Variants in FSTL4 observed in about 807,000 individuals in gnomAD.
FSTL4 encodes follistatin like 4, also known as follistatin-related protein 4.
A neutral mutation model predicts 78.2 loss-of-function variants in FSTL4; 28 were observed. The ratio of observed to expected loss-of-function variants is 0.36; its 90% confidence interval spans 0.27 to 0.49. The LOEUF (loss-of-function observed/expected upper bound fraction) is 0.49, where lower values mean the gene tolerates loss of function less well. FSTL4 is among the 20% of genes least tolerant of loss of function. The probability of loss-of-function intolerance (pLI) is 0.98; values close to 1 mark genes in which losing one functional copy is unlikely to be tolerated. For synonymous variants in FSTL4, 422 were observed against 440.5 expected, an observed-to-expected ratio of 0.96 and a Z score of 0.53; for missense variants, 922 against 1,084.9, an observed-to-expected ratio of 0.85 and a Z score of 2.11.
At chr5:133,381,985 AT>A (rs1258179312) in intron 4 of FSTL4, among the ~76,000 whole-genome samples, 1 of 152,196 alleles carries the variant, frequency 6.6e-6, no homozygotes, top group Non-Finnish European at 1.5e-5. Flanking sequence ...GTTTAAGTGA[AT>A]GTGTGTCAAT....
chr5:133,667,455 C>A, the FSTL4 span, among the ~76,000 whole-genome samples: 1 of 152,276 alleles, frequency 6.6e-6, no homozygotes, highest in Admixed American at 6.5e-5. Context: ...CCTTTGTGGC[C>A]TCCCATCCCA....
intron 3 of FSTL4, among the ~76,000 whole-genome samples, chr5:133,407,374 G>T (rs1380634485): frequency 6.6e-6 from 1 of 152,224 alleles, no homozygotes; most frequent in African/African-American, 2.4e-5. Context: ...TGTATTCTCA[G>T]TGACCACAGG....
the FSTL4 span, among the ~76,000 whole-genome samples, chr5:133,825,654 C>T: frequency 5.1e-4 from 78 of 152,346 alleles, no homozygotes; most frequent in African/African-American, 1.9e-3. Flanking sequence ...AGGGGCATGG[C>T]CCTCACCAGT....
the FSTL4 span, among the ~76,000 whole-genome samples, chr5:133,735,557 A>C: frequency 2.7e-3 from 404 of 152,264 alleles, 6 homozygotes; most frequent in African/African-American, 9.1e-3. Context: ...GCCTGTCCCC[A>C]AACAACCTTT....
chr5:133,609,434 TC>T (rs1431237024), intron 1 of FSTL4, among the ~76,000 whole-genome samples: 1 of 152,110 alleles, frequency 6.6e-6, no homozygotes, highest in Non-Finnish European at 1.5e-5. Flanking sequence ...AAAAGCCACA[TC>T]AACCCCAGCG....
chr5:133,645,331 T>C, the FSTL4 span, among the ~76,000 whole-genome samples: 1 of 152,134 alleles, frequency 6.6e-6, no homozygotes, highest in African/African-American at 2.4e-5. Context: ...TGCATGGTTC[T>C]AGGATGGTGA....
the FSTL4 span, among the ~76,000 whole-genome samples, chr5:133,737,819 G>A: frequency 6.6e-6 from 1 of 151,952 alleles, no homozygotes; most frequent in African/African-American, 2.4e-5. Context: ...TGGCCAGGCT[G>A]GTCTCGAACT....
At chr5:133,204,136 C>T (rs1236145574) in intron 14 of FSTL4, among the ~76,000 whole-genome samples, 3 of 152,018 alleles carry the variant, frequency 2.0e-5, no homozygotes, top group Admixed American at 6.5e-5. Flanking sequence ...TGGGAAGTGG[C>T]ATGTGGAGGG....
At chr5:133,599,935 G>A (rs1760826453) in intron 2 of FSTL4, among the ~76,000 whole-genome samples, 1 of 152,216 alleles carries the variant, frequency 6.6e-6, no homozygotes. Context: ...GCTCTCTGGA[G>A]GCTGCTACCA....
rs1750186310 is a variant in FSTL4 at position 133,197,754 on chromosome 5, A to T, written c.*1341T>A. On this transcript the variant is annotated 3_prime_UTR_variant, in exon 16 of 16. Coordinates refer to ENST00000265342, the MANE Select transcript of FSTL4 (RefSeq NM_015082.2). ...TCAAACCAGGACACATGTAAGTTCC[A>T]CTCATATGTGGGAGAGGGAAGGCGA... The T allele has an allele frequency of 6.6e-6, 1 of 152,166 alleles. No individual in the cohort carries two copies. The highest frequency in any genetic ancestry group is 2.1e-4 in the South Asian group (1 of 4,820). The allele number at this position is 152,166 out of a possible 1,614,324, so 9.4% of individuals were successfully genotyped here.
chr5:133,779,012 G>T, the FSTL4 span, among the ~76,000 whole-genome samples: 93 of 152,326 alleles, frequency 6.1e-4, 1 homozygote, highest in African/African-American at 2.2e-3. Context: ...TGGTGGGGCA[G>T]GGGGAGGACC....
intron 3 of FSTL4, among the ~76,000 whole-genome samples, chr5:133,417,745 G>C (rs1429291697): frequency 1.3e-5 from 2 of 151,890 alleles, no homozygotes; most frequent in Admixed American, 1.3e-4. Flanking sequence ...ATCACTTGAG[G>C]TCAGGAGTTT....
intron 4 of FSTL4, among the ~76,000 whole-genome samples, chr5:133,383,540 T>C (rs1479722355): frequency 2.0e-5 from 3 of 152,200 alleles, no homozygotes; most frequent in African/African-American, 7.2e-5. Flanking sequence ...TTTTCTCCAA[T>C]TAACTTAAGT....
At chr5:133,740,289 G>C in the FSTL4 span, among the ~76,000 whole-genome samples, 1 of 152,100 alleles carries the variant, frequency 6.6e-6, no homozygotes, top group East Asian at 1.9e-4. Context: ...TCTAAGAGTG[G>C]GGCAGGCATT....
chr5:133,640,589 GC>G, the FSTL4 span, among the ~76,000 whole-genome samples: 1 of 152,200 alleles, frequency 6.6e-6, no homozygotes, highest in African/African-American at 2.4e-5. Flanking sequence ...AATGTGGAGT[GC>G]TGGCCTGATT....
At chr5:133,702,612 A>C in the FSTL4 span, among the ~76,000 whole-genome samples, 5 of 152,156 alleles carry the variant, frequency 3.3e-5, no homozygotes, top group African/African-American at 1.2e-4. Flanking sequence ...TGTTCTCTAG[A>C]CTGGGGCTCC....
the FSTL4 span, among the ~76,000 whole-genome samples, chr5:133,783,811 A>AGC: frequency 0.012 from 1,873 of 152,172 alleles, 37 homozygotes; most frequent in African/African-American, 0.042. Flanking sequence ...AAAATGAATC[A>AGC]CCTTTGTGAG....
chr5:133,395,369 C>T (rs1755996920), intron 4 of FSTL4, among the ~76,000 whole-genome samples: 1 of 152,188 alleles, frequency 6.6e-6, no homozygotes, highest in Admixed American at 6.5e-5. Context: ...CCGCGAAGGT[C>T]CGCAGCTTCA....
At chr5:133,244,146 GC>G in intron 7 of FSTL4, 1 of 152,348 alleles carries the variant, frequency 6.6e-6, no homozygotes, top group Non-Finnish European at 1.5e-5. Flanking sequence ...TCTCACCCCA[GC>G]CCCCAAAGCC....
Sources: gnomAD v4.1 joint callset for allele counts (sites outside exome capture counted in the v4.1 genomes callset) on GRCh38, gnomAD v4.1.1 for gene constraint, MANE v1.5 for transcripts, NCBI Gene and HGNC (gene_info 2026-07-23, HGNC 2026-07-21) for gene names.